MAGI2: variants seen among roughly 807,000 people sequenced by gnomAD.
MAGI2 encodes membrane associated guanylate kinase, WW and PDZ domain containing 2.
Under a neutral mutation model 133.3 loss-of-function variants are expected in MAGI2, and 35 were observed. That is an observed-to-expected ratio of 0.26 (90% CI 0.20 to 0.35). The LOEUF (loss-of-function observed/expected upper bound fraction) is 0.35. Ranked by LOEUF, MAGI2 falls within the 10% of genes least tolerant of loss-of-function variation. The pLI is 1.00. For missense variants in MAGI2, 1,636 were observed against 1,863.4 expected (o/e 0.88, Z 2.25); for synonymous variants, 729 against 710.6 (o/e 1.03, Z -0.41).
chr7:78,020,489 G>T (rs1464024617), intron 21 of MAGI2, among the ~76,000 whole-genome samples: 3 of 152,036 alleles, frequency 2.0e-5, no homozygotes, highest in South Asian at 2.1e-4. Context: ...CCTAGCAGGG[G>T]TGTCCAATCT....
At chr7:78,829,376 G>A (rs1790939052) in intron 2 of MAGI2, among the ~76,000 whole-genome samples, 1 of 152,050 alleles carries the variant, frequency 6.6e-6, no homozygotes, top group Admixed American at 6.5e-5. Context: ...TTGAATTGAA[G>A]TTCATGATAC....
chr7:78,603,267 CAT>C (rs1348247135), intron 3 of MAGI2, among the ~76,000 whole-genome samples: 1 of 152,190 alleles, frequency 6.6e-6, no homozygotes, highest in Non-Finnish European at 1.5e-5. Flanking sequence ...AATTAGCTTA[CAT>C]GTTTCTCTTA....
intron 14 of MAGI2, among the ~76,000 whole-genome samples, chr7:78,175,866 C>G (rs1048600183): frequency 1.1e-4 from 16 of 152,140 alleles, no homozygotes; most frequent in African/African-American, 3.9e-4. Context: ...TAAAATCCTG[C>G]TGATTAAAAC....
chr7:78,501,773 C>G lies in MAGI2; in HGVS notation c.769G>C (p.Glu257Gln), dbSNP rs1794648556. 1.2e-6 allele frequency: 2 copies of G among 1,613,562 alleles called. No individual in the cohort carries two copies. Among genetic ancestry groups the G allele is most frequent in the Non-Finnish European group, 1.7e-6 (2 of 1,179,946 alleles). Residue 257 changes from glutamate (E) to glutamine (Q), a missense_variant, in exon 5 of 22, where the codon GAA becomes CAA. This residue lies in a region of MAGI2 where 165 missense variants were observed against 128.4 expected (regional missense o/e 1.28). Transcript: ENST00000354212. ...VVVTPESSEH[E>Q]DKSAGASGEM... ...CCTGAGGCACCTGCACTTTTGTCTT[C>G]ATGTTCACTGGATTCTATAAGAGAA...
At chr7:78,056,080 C>T (rs547586442) in intron 21 of MAGI2, among the ~76,000 whole-genome samples, 1 of 152,188 alleles carries the variant, frequency 6.6e-6, no homozygotes, top group African/African-American at 2.4e-5. Context: ...TCACCCTTTC[C>T]CTCCTCCCCA....
At chr7:79,160,713 G>T (rs763807104) in intron 1 of MAGI2, among the ~76,000 whole-genome samples, 2 of 152,000 alleles carry the variant, frequency 1.3e-5, no homozygotes, top group Non-Finnish European at 2.9e-5. Flanking sequence ...CTGAGAAAGG[G>T]TCTTCCCAAC....
chr7:79,119,970 T>G (rs1015687112), intron 1 of MAGI2, among the ~76,000 whole-genome samples: 1 of 152,104 alleles, frequency 6.6e-6, no homozygotes, highest in Admixed American at 6.6e-5. Flanking sequence ...ATTTATATGT[T>G]TAAATTCAAA....
chr7:78,071,408 A>T (rs563958825), intron 21 of MAGI2, among the ~76,000 whole-genome samples: 4 of 152,266 alleles, frequency 2.6e-5, no homozygotes, highest in Admixed American at 2.0e-4. Flanking sequence ...ATGGTGGTGC[A>T]TACCTGTAGT....
chr7:78,440,426 T>C (rs1305859199), intron 6 of MAGI2, among the ~76,000 whole-genome samples: 3 of 151,978 alleles, frequency 2.0e-5, no homozygotes, highest in African/African-American at 7.2e-5. Context: ...CTGGGCTAAA[T>C]GAAAGGTGGT....
chr7:78,850,125 T>C (rs1332583166), intron 2 of MAGI2, among the ~76,000 whole-genome samples: 1 of 152,106 alleles, frequency 6.6e-6, no homozygotes, highest in Non-Finnish European at 1.5e-5. Flanking sequence ...TCAAATTGAA[T>C]GGTAAATGTC....
At chr7:79,004,911 C>T (rs921152896) in intron 2 of MAGI2, among the ~76,000 whole-genome samples, 2 of 151,788 alleles carry the variant, frequency 1.3e-5, no homozygotes, top group Admixed American at 6.6e-5. Flanking sequence ...GGATAAACCC[C>T]GTCTCTACTA....
chr7:78,020,055 A>G, intron 21 of MAGI2, 79 bp from the exon 22 acceptor site: 2 of 1,309,510 alleles, frequency 1.5e-6, no homozygotes, highest in Non-Finnish European at 1.0e-6. Context: ...GGACAGGGGC[A>G]GGCAGCTGGG....
intron 1 of MAGI2, among the ~76,000 whole-genome samples, chr7:79,362,267 C>T (rs1842421350): frequency 6.6e-6 from 1 of 151,962 alleles, no homozygotes; most frequent in African/African-American, 2.4e-5. Flanking sequence ...ATAAATTCAG[C>T]AACTTAGAAG....
At chr7:78,898,192 G>A (rs1329545783) in intron 2 of MAGI2, among the ~76,000 whole-genome samples, 5 of 149,804 alleles carry the variant, frequency 3.3e-5, no homozygotes, top group African/African-American at 9.7e-5. Context: ...AACAGATGCT[G>A]GTGAGGTGGC....
At chr7:78,856,665 T>C (rs974102834) in intron 2 of MAGI2, among the ~76,000 whole-genome samples, 9 of 152,230 alleles carry the variant, frequency 5.9e-5, no homozygotes, top group Non-Finnish European at 1.2e-4. Flanking sequence ...CCTTGTAGTA[T>C]AGTTTGAATT....
At chr7:78,272,126 G>C (rs954165513) in intron 9 of MAGI2, among the ~76,000 whole-genome samples, 12 of 152,208 alleles carry the variant, frequency 7.9e-5, no homozygotes, top group Non-Finnish European at 1.5e-4. Flanking sequence ...GTGTCCCAGA[G>C]ATTCTGGTGC....
rs1057208923 is a variant in MAGI2, at chr7:78,624,167, G to A, written c.538+2953C>T. Reference sequence around the variant, plus strand: ...TGTCATTTGCCCACTTTTTAATGCAGTTATTTTTTTCTTGTAAAAATTTTT... The same window carrying A: ...TGTCATTTGCCCACTTTTTAATGCAATTATTTTTTTCTTGTAAAAATTTTT... On this transcript the variant is annotated intron_variant, in intron 3 of 21. Transcript: ENST00000354212. Among the ~76,000 whole-genome samples, 3 of 151,900 alleles carry A rather than the reference G, an allele frequency of 2.0e-5. 1 individual carries two copies. The highest frequency in any genetic ancestry group is 2.0e-4 in the Admixed American group (3 of 15,226).
intron 2 of MAGI2, among the ~76,000 whole-genome samples, chr7:78,856,562 A>G (rs1338759956): frequency 6.6e-6 from 1 of 152,154 alleles, no homozygotes. Flanking sequence ...AGATGGTTGT[A>G]GATGTGTGGT....
intron 6 of MAGI2, among the ~76,000 whole-genome samples, chr7:78,439,439 A>G (rs955883813): frequency 3.9e-5 from 6 of 152,120 alleles, no homozygotes; most frequent in African/African-American, 1.4e-4. Flanking sequence ...AAACGTGACA[A>G]AATAGTTGGA....
Sources: gnomAD v4.1 joint callset for allele counts (sites outside exome capture counted in the v4.1 genomes callset) on GRCh38, gnomAD v4.1.1 for gene constraint, gnomAD v4.1.1 regional missense constraint, MANE v1.5 for transcripts, NCBI Gene and HGNC (gene_info 2026-07-23, HGNC 2026-07-21) for gene names.